MEI4: variants seen among roughly 807,000 people sequenced by gnomAD.
MEI4 encodes meiosis-specific protein MEI4.
Under a neutral mutation model 31.4 loss-of-function variants are expected in MEI4, and 27 were observed. The observed-to-expected ratio is 0.86, with a 90% confidence interval of 0.63 to 1.19. The LOEUF is 1.19. MEI4 is among the 50% of genes most tolerant of loss of function. The pLI, the probability that MEI4 is intolerant of heterozygous loss-of-function variation, is 0.00. For synonymous variants in MEI4, 122 were observed against 145.4 expected (o/e 0.84, Z 1.16); for missense variants, 329 against 398.9 (o/e 0.82, Z 1.49).
intron 3 of MEI4, among the ~76,000 whole-genome samples, chr6:77,791,592 T>G (rs1768935526): frequency 2.7e-5 from 4 of 146,958 alleles, no homozygotes; most frequent in South Asian, 4.5e-4. Context: ...GATGACGAGT[T>G]AGTGGGTGCA....
intron 2 of MEI4, among the ~76,000 whole-genome samples, chr6:77,705,623 T>G (rs2127658047): frequency 6.6e-6 from 1 of 152,282 alleles, no homozygotes; most frequent in African/African-American, 2.4e-5. Flanking sequence ...GAAATGAGTA[T>G]CTGTAGAGGG....
In MEI4 at chr6:77,777,798, A is replaced by T. The variant is rs184720707; in HGVS notation, c.768+16133A>T. On this transcript the variant is annotated intron_variant, in intron 3 of 4. Coordinates refer to ENST00000684080, the MANE Select transcript of MEI4 (RefSeq NM_001322247.2). ...CAGAAATGCAAAACTTACATTTAAA[A>T]TGCATATATTCTCAGAAAGGTAAAA... is the stretch of plus-strand genomic sequence containing the variant. Among the ~76,000 whole-genome samples the T allele has an allele frequency of 6.9e-3, 1,053 of 152,256 alleles. 13 individuals carry two copies. Among genetic ancestry groups the T allele is most frequent in the African/African-American group, 0.024 (994 of 41,550 alleles).
At chr6:77,677,452 G>T (rs763252500) in intron 1 of MEI4, among the ~76,000 whole-genome samples, 1 of 152,152 alleles carries the variant, frequency 6.6e-6, no homozygotes, top group Non-Finnish European at 1.5e-5. Flanking sequence ...GAACTTGGGG[G>T]TCATTCTTGA....
chr6:77,697,319 T>C (rs991901006), intron 2 of MEI4, among the ~76,000 whole-genome samples: 2 of 152,168 alleles, frequency 1.3e-5, no homozygotes, highest in African/African-American at 2.4e-5. Context: ...CTTTTGAATG[T>C]GTTTGCTCTT....
chr6:77,799,562 A>C (rs1222321645), intron 3 of MEI4, among the ~76,000 whole-genome samples: 14 of 152,156 alleles, frequency 9.2e-5, no homozygotes, highest in South Asian at 6.2e-4. Context: ...ACATGAAGTC[A>C]TTGCCCATGC....
Position 77,857,857 on chromosome 6 carries a change from C to T in MEI4, c.900+28795C>T, listed in dbSNP as rs190862031. The stretch of plus-strand genomic sequence containing the variant: ...TCTTCTATTGAAGCCATGTTTTTAA[C>T]CGTATGTATTGAGGGAATACTGTGC... On this transcript the variant is annotated intron_variant, in intron 4 of 4. Coordinates refer to ENST00000684080, the MANE Select transcript of MEI4 (RefSeq NM_001322247.2). Among the ~76,000 whole-genome samples the T allele has an allele frequency of 5.1e-3, 772 of 152,284 alleles. 3 individuals carry two copies. Among genetic ancestry groups the T allele is most frequent in the Non-Finnish European group, 6.2e-3 (424 of 68,018 alleles).
intron 2 of MEI4, among the ~76,000 whole-genome samples, chr6:77,733,526 T>C (rs1276460077): frequency 6.6e-6 from 1 of 152,104 alleles, no homozygotes; most frequent in African/African-American, 2.4e-5. Flanking sequence ...CTTTTTTTCT[T>C]TATTAGTCTT....
intron 3 of MEI4, among the ~76,000 whole-genome samples, chr6:77,801,565 TTTAA>T (rs1390046855): frequency 6.6e-6 from 1 of 152,230 alleles, no homozygotes; most frequent in African/African-American, 2.4e-5. Flanking sequence ...CTCTAGTTCT[TTTAA>T]TTGTGATGTT....
intron 3 of MEI4, among the ~76,000 whole-genome samples, chr6:77,775,109 T>G (rs1335812133): frequency 1.3e-5 from 2 of 151,424 alleles, no homozygotes; most frequent in African/African-American, 2.4e-5. Context: ...GCGACGGCAT[T>G]TAGGGACCTC....
At chr6:77,801,774 G>T (rs1283311502) in intron 3 of MEI4, among the ~76,000 whole-genome samples, 3 of 152,188 alleles carry the variant, frequency 2.0e-5, no homozygotes, top group Non-Finnish European at 4.4e-5. Context: ...TTTCCATGTA[G>T]TTGAGCGGTT....
chr6:77,745,539 C>T (rs942356956), intron 2 of MEI4, among the ~76,000 whole-genome samples: 3 of 152,196 alleles, frequency 2.0e-5, no homozygotes, highest in East Asian at 1.9e-4. Flanking sequence ...TAATACCCCA[C>T]TGTCAACATT....
chr6:77,697,830 T>C (rs1766093153), intron 2 of MEI4, among the ~76,000 whole-genome samples: 1 of 152,172 alleles, frequency 6.6e-6, no homozygotes, highest in Non-Finnish European at 1.5e-5. Context: ...CTTGTTAACT[T>C]TCTGTCTCAT....
intron 2 of MEI4, among the ~76,000 whole-genome samples, chr6:77,739,385 A>G (rs1039213255): frequency 2.1e-4 from 32 of 152,294 alleles, no homozygotes; most frequent in African/African-American, 7.7e-4. Context: ...ATGGAATACT[A>G]TGCAGCCATA....
At chr6:77,864,607 C>T (rs1261653393) in intron 4 of MEI4, among the ~76,000 whole-genome samples, 1 of 152,174 alleles carries the variant, frequency 6.6e-6, no homozygotes, top group East Asian at 1.9e-4. Flanking sequence ...TACAAAGAGA[C>T]TTAGACTCCC....
chr6:77,915,781 T>C (rs1318612507), intron 4 of MEI4, among the ~76,000 whole-genome samples: 2 of 152,060 alleles, frequency 1.3e-5, no homozygotes, highest in Non-Finnish European at 2.9e-5. Flanking sequence ...CTGAGCTTCC[T>C]GTGTTTGGCT....
In MEI4 at chr6:77,773,666, T is replaced by A. The variant is rs150929197; in HGVS notation, c.768+12001T>A. Among the ~76,000 whole-genome samples, 213 of 152,142 alleles carry A rather than the reference T, an allele frequency of 1.4e-3. 1 individual carries two copies. The highest frequency in any genetic ancestry group is 4.5e-3 in the African/African-American group (187 of 41,542). Reference sequence around the variant, plus strand: ...GCAATCAAAGCAAAAATGGACAGATTGGATTACATCAAGTTAAAAAGTTTT... The same window carrying A: ...GCAATCAAAGCAAAAATGGACAGATAGGATTACATCAAGTTAAAAAGTTTT... On this transcript the variant is annotated intron_variant, in intron 3 of 4. Transcript: ENST00000684080.
At chr6:77,701,972 T>C (rs532890351) in intron 2 of MEI4, among the ~76,000 whole-genome samples, 1 of 152,248 alleles carries the variant, frequency 6.6e-6, no homozygotes, top group Admixed American at 6.5e-5. Context: ...GTTGGTCCCC[T>C]CACTCTTCTT....
At chr6:77,673,300 A>G (rs1768782067) in intron 1 of MEI4, among the ~76,000 whole-genome samples, 3 of 152,200 alleles carry the variant, frequency 2.0e-5, no homozygotes, top group Admixed American at 2.0e-4. Flanking sequence ...AATAATTCTT[A>G]AGTGCTTACT....
chr6:77,878,647 T>TTG (rs1771402453), intron 4 of MEI4, among the ~76,000 whole-genome samples: 2 of 148,690 alleles, frequency 1.3e-5, no homozygotes, highest in Admixed American at 6.8e-5. Flanking sequence ...GCTGTTGTAT[T>TTG]CTGTTTCCTT....
Sources: gnomAD v4.1 joint callset for allele counts (sites outside exome capture counted in the v4.1 genomes callset) on GRCh38, gnomAD v4.1.1 for gene constraint, MANE v1.5 for transcripts, NCBI Gene and HGNC (gene_info 2026-07-23, HGNC 2026-07-21) for gene names.